ASIC2: variants seen among roughly 807,000 people sequenced by gnomAD.
The protein encoded by ASIC2 is acid sensing ion channel subunit 2.
A neutral mutation model predicts 57.3 loss-of-function variants in ASIC2; 25 were observed. That is an observed-to-expected ratio of 0.44 (90% CI 0.32 to 0.61). The LOEUF is 0.61. Ranked by LOEUF, ASIC2 falls within the 20% of genes least tolerant of loss-of-function variation. The pLI is 0.06. For synonymous variants in ASIC2, 319 were observed against 307.5 expected (o/e 1.04, Z -0.39); for missense variants, 641 against 738.1 (o/e 0.87, Z 1.52).
intron 1 of ASIC2, among the ~76,000 whole-genome samples, chr17:33,987,296 G>A (rs1242918490): frequency 1.3e-5 from 2 of 152,046 alleles, no homozygotes; most frequent in Non-Finnish European, 2.9e-5. Context: ...TCCCTCTTAG[G>A]TGCACCCAGT....
At chr17:34,070,421 C>T (rs1213863414) in intron 1 of ASIC2, 1 of 152,096 alleles carries the variant, frequency 6.6e-6, no homozygotes. Flanking sequence ...ACAGGTAGCT[C>T]ATGGTACCTT....
At chr17:33,676,779 G>A (rs796594564) in intron 1 of ASIC2, among the ~76,000 whole-genome samples, 1 of 152,228 alleles carries the variant, frequency 6.6e-6, no homozygotes, top group Non-Finnish European at 1.5e-5. Context: ...ATTGATGAAG[G>A]TGGTGATATA....
chr17:33,315,697 A>G (rs1299180874), intron 1 of ASIC2, among the ~76,000 whole-genome samples: 3 of 152,240 alleles, frequency 2.0e-5, no homozygotes, highest in Non-Finnish European at 4.4e-5. Context: ...TAAGAAATGT[A>G]TAATGCTTCA....
At chr17:33,166,510 C>G (rs535075857) in intron 1 of ASIC2, among the ~76,000 whole-genome samples, 10 of 152,204 alleles carry the variant, frequency 6.6e-5, no homozygotes, top group African/African-American at 2.2e-4. Context: ...TTGGTCCCAC[C>G]TTGTTTCTGG....
chr17:33,080,457 C>A (rs975905107), intron 3 of ASIC2, among the ~76,000 whole-genome samples: 4 of 152,050 alleles, frequency 2.6e-5, no homozygotes, highest in African/African-American at 7.3e-5. Context: ...TGCAGGCCCC[C>A]CTTATCCACG....
intron 1 of ASIC2, among the ~76,000 whole-genome samples, chr17:34,085,118 A>G (rs994074264): frequency 1.7e-4 from 26 of 152,190 alleles, no homozygotes; most frequent in East Asian, 1.2e-3. Flanking sequence ...TCTTGTGCCA[A>G]TTTTCAAAGG....
chr17:33,779,770 C>G (rs1377273528), intron 1 of ASIC2, among the ~76,000 whole-genome samples: 1 of 152,156 alleles, frequency 6.6e-6, no homozygotes, highest in African/African-American at 2.4e-5. Flanking sequence ...TGGATGTTTA[C>G]CGCATGCCAA....
At chr17:34,126,218 C>T (rs895094685) in intron 1 of ASIC2, among the ~76,000 whole-genome samples, 3 of 152,158 alleles carry the variant, frequency 2.0e-5, no homozygotes, top group African/African-American at 7.2e-5. Flanking sequence ...CTATCAAAGC[C>T]TTGATTGGAT....
chr17:33,984,884 C>T (rs144825330), intron 1 of ASIC2, among the ~76,000 whole-genome samples: 19 of 152,328 alleles, frequency 1.2e-4, no homozygotes, highest in African/African-American at 4.6e-4. Flanking sequence ...TTAACCCTGA[C>T]ATTCTCCTAG....
At chr17:33,408,278 C>A (rs1366838591) in intron 1 of ASIC2, among the ~76,000 whole-genome samples, 1 of 152,164 alleles carries the variant, frequency 6.6e-6, no homozygotes, top group African/African-American at 2.4e-5. Flanking sequence ...CACTCCCCAA[C>A]AAATGTCATG....
At chr17:33,256,449 T>C (rs903663957) in intron 1 of ASIC2, among the ~76,000 whole-genome samples, 1 of 151,450 alleles carries the variant, frequency 6.6e-6, no homozygotes, top group Admixed American at 6.6e-5. Context: ...CCTATTATAT[T>C]TTTTTTACAC....
intron 1 of ASIC2, among the ~76,000 whole-genome samples, chr17:33,354,519 T>C (rs1908303517): frequency 6.6e-6 from 1 of 152,138 alleles, no homozygotes; most frequent in Non-Finnish European, 1.5e-5. Context: ...GCCAGGTCTA[T>C]TCCACCAGCT....
chr17:33,164,172 C>T (rs1452297103), intron 1 of ASIC2, among the ~76,000 whole-genome samples: 2 of 152,200 alleles, frequency 1.3e-5, no homozygotes, highest in African/African-American at 4.8e-5. Context: ...GGGGCTGGCC[C>T]AGGCCTGTCC....
At chr17:33,569,617 A>C (rs1355681741) in intron 1 of ASIC2, among the ~76,000 whole-genome samples, 1 of 152,054 alleles carries the variant, frequency 6.6e-6, no homozygotes, top group Non-Finnish European at 1.5e-5. Context: ...CCATCCATCC[A>C]TCCATCCATC....
At chr17:33,662,943 C>G (rs1365611445) in intron 1 of ASIC2, among the ~76,000 whole-genome samples, 1 of 152,112 alleles carries the variant, frequency 6.6e-6, no homozygotes, top group African/African-American at 2.4e-5. Flanking sequence ...TCGTATTCAA[C>G]CCGGGTAGTA....
chr17:33,291,188 C>G (rs1473118846), intron 1 of ASIC2: 2 of 969,478 alleles, frequency 2.1e-6, no homozygotes, highest in African/African-American at 1.7e-5. Flanking sequence ...GACAGGGGAG[C>G]TCCCACTGGT....
At position 33,163,871 on chromosome 17, in the gene ASIC2, A is replaced by G. The variant is rs370510161; in HGVS notation, c.709-51804T>C. On this transcript the variant is annotated intron_variant, in intron 1 of 9. Coordinates refer to ENST00000225823, the MANE Select transcript of ASIC2 (RefSeq NM_183377.2). The stretch of plus-strand genomic sequence containing the variant: ...GGGGAGGTCTCACTGAGAAGCCGGC[A>G]TTTGAGTAAAGATCTAAAGGGGGTG... Among the ~76,000 whole-genome samples the G allele has an allele frequency of 3.0e-4, 45 of 152,284 alleles. 1 individual carries two copies. Among genetic ancestry groups the G allele is most frequent in the African/African-American group, 8.4e-4 (35 of 41,560 alleles).
intron 1 of ASIC2, among the ~76,000 whole-genome samples, chr17:33,577,657 C>A (rs994932114): frequency 6.6e-5 from 10 of 152,170 alleles, no homozygotes; most frequent in Non-Finnish European, 1.3e-4. Context: ...AGTGGAAAAG[C>A]AGTTCCCCTA....
At chr17:33,814,747 T>C (rs1451090322) in intron 1 of ASIC2, among the ~76,000 whole-genome samples, 1 of 152,230 alleles carries the variant, frequency 6.6e-6, no homozygotes, top group African/African-American at 2.4e-5. Flanking sequence ...TAATTATTCA[T>C]AATTTTTCTG....
Sources: allele counts gnomAD v4.1 joint callset (sites outside exome capture counted in the v4.1 genomes callset), GRCh38; gene constraint gnomAD v4.1.1; transcripts MANE v1.5; gene names NCBI Gene and HGNC (gene_info 2026-07-23, HGNC 2026-07-21).